Variants in ADGRL2 observed in about 807,000 individuals in gnomAD.
ADGRL2 encodes calcium-independent alpha-latrotoxin receptor 2.
In ADGRL2, 44 loss-of-function variants were observed where a neutral mutation model predicts 157.4. The ratio of observed to expected loss-of-function variants is 0.28; its 90% CI spans 0.22 to 0.36. The LOEUF (loss-of-function observed/expected upper bound fraction) is 0.36, where lower values mean the gene tolerates loss of function less well. ADGRL2 is among the 10% of genes least tolerant of loss of function. The pLI, the probability that ADGRL2 is intolerant of heterozygous loss-of-function variation, is 1.00. For synonymous variants in ADGRL2, 585 were observed against 624.7 expected, an observed-to-expected ratio of 0.94 and a Z score of 0.95; for missense variants, 1,510 against 1,768.9, an observed-to-expected ratio of 0.85 and a Z score of 2.63.
At chr1:81,877,049 C>A (rs2093858763) in intron 2 of ADGRL2, among the ~76,000 whole-genome samples, 1 of 152,118 alleles carries the variant, frequency 6.6e-6, no homozygotes, top group Non-Finnish European at 1.5e-5. Flanking sequence ...GCCTTAACTC[C>A]TGTTCCTGTC....
intron 3 of ADGRL2, among the ~76,000 whole-genome samples, chr1:81,594,435 T>C (rs1202933373): frequency 3.3e-5 from 5 of 152,242 alleles, no homozygotes; most frequent in Admixed American, 2.0e-4. Context: ...AGTCAAGTTG[T>C]CATTCTGCTC....
At chr1:81,976,154 A>C (rs1213975706) in intron 17 of ADGRL2, among the ~76,000 whole-genome samples, 1 of 152,148 alleles carries the variant, frequency 6.6e-6, no homozygotes, top group Admixed American at 6.6e-5. Flanking sequence ...TGATATAAAA[A>C]TTTTTGTATT....
At chr1:81,609,226 G>C (rs2081493179) in intron 3 of ADGRL2, among the ~76,000 whole-genome samples, 1 of 151,900 alleles carries the variant, frequency 6.6e-6, no homozygotes, top group Non-Finnish European at 1.5e-5. Context: ...TTTAAGTAGA[G>C]ACTGGGTTTC....
At chr1:81,616,046 C>T (rs1246200768) in intron 3 of ADGRL2, among the ~76,000 whole-genome samples, 1 of 150,760 alleles carries the variant, frequency 6.6e-6, no homozygotes, top group Non-Finnish European at 1.5e-5. Flanking sequence ...CTTCCCCACC[C>T]CCACCCAACA....
chr1:81,878,467 A>G (rs1217199117), intron 2 of ADGRL2, among the ~76,000 whole-genome samples: 1 of 152,160 alleles, frequency 6.6e-6, no homozygotes, highest in Non-Finnish European at 1.5e-5. Flanking sequence ...AAGGCATTTT[A>G]TGTGGCACTG....
At chr1:81,784,298 A>T (rs2086936806) in intron 2 of ADGRL2, among the ~76,000 whole-genome samples, 1 of 152,234 alleles carries the variant, frequency 6.6e-6, no homozygotes, top group African/African-American at 2.4e-5. Flanking sequence ...CTTTGAAAGC[A>T]TGTGTCAAGT....
intron 1 of ADGRL2, chr1:81,426,753 T>G (rs2077224580): frequency 6.5e-6 from 3 of 462,752 alleles, no homozygotes; most frequent in Non-Finnish European, 1.3e-5. Context: ...CCACACAGGT[T>G]GGTGGGTGTC....
At chr1:81,513,767 T>C (rs1458949326) in intron 2 of ADGRL2, 1 of 152,190 alleles carries the variant, frequency 6.6e-6, no homozygotes, top group Admixed American at 6.5e-5. Context: ...GAATCTTTAA[T>C]TTGGAAAAGA....
upstream of ADGRL2, among the ~76,000 whole-genome samples, chr1:81,795,719 T>C (rs1213190545): frequency 6.6e-6 from 1 of 152,232 alleles, no homozygotes; most frequent in Non-Finnish European, 1.5e-5. Flanking sequence ...TGGACTATTC[T>C]GTGACATTGC....
upstream of ADGRL2, among the ~76,000 whole-genome samples, chr1:81,696,528 G>A (rs191240273): frequency 3.3e-5 from 5 of 152,164 alleles, no homozygotes; most frequent in South Asian, 2.1e-4. Flanking sequence ...TGAGGCGGGC[G>A]GATCACAAGG....
Position 81,584,420 on chromosome 1 carries a change from C to A in ADGRL2, c.-143+3440C>A, listed in dbSNP as rs117365266. 2.0e-5 allele frequency among the ~76,000 whole-genome samples: 3 copies of A among 152,172 alleles called. No individual in the cohort carries two copies. In the East Asian group the frequency reaches 5.8e-4, roughly 29 times the overall value. On this transcript the variant is annotated intron_variant, in intron 3 of 24. Coordinates refer to the ADGRL2 transcript ENST00000370721. ...TAAAATAACTCCATTTAAGTAAATA[C>A]CATAGCCCTTTGAAAAGACAAACAA...
intron 1 of ADGRL2, among the ~76,000 whole-genome samples, chr1:81,351,039 G>T (rs987979290): frequency 6.6e-6 from 1 of 152,080 alleles, no homozygotes; most frequent in Non-Finnish European, 1.5e-5. Context: ...AGATTATGAA[G>T]ATTTAAAACT....
At position 81,974,015 on chromosome 1, in the gene ADGRL2, G is replaced by T. The variant is rs556733957; in HGVS notation, c.3021+2097G>T. ...TTCAGGCACAAATCTTAATAATATA[G>T]ATTGTATTGTATACTATCCTTTTAA... is the stretch of plus-strand genomic sequence containing the variant. On this transcript the variant is annotated intron_variant, in intron 17 of 23. Transcript: ENST00000686636. Among the ~76,000 whole-genome samples the T allele has an allele frequency of 8.5e-5, 13 of 152,166 alleles. No homozygotes were observed. The East Asian group carries it at 2.3e-3, about 27-fold the overall frequency.
intron 23 of ADGRL2, chr1:81,989,982 A>C (rs1277936380): frequency 1.0e-5 from 10 of 984,248 alleles, no homozygotes; most frequent in African/African-American, 1.7e-5. Flanking sequence ...TTTAGGACAA[A>C]TTCTGTTAAT....
chr1:81,383,808 C>CAAAAAAAAA (rs56660027), intron 1 of ADGRL2, among the ~76,000 whole-genome samples: 2 of 104,312 alleles, frequency 1.9e-5, no homozygotes, highest in African/African-American at 7.3e-5. Context: ...ACTAAAAATA[C>CAAAAAAAAA]AAAAAAAAAA....
chr1:81,846,982 T>G (rs2092814966), intron 2 of ADGRL2, among the ~76,000 whole-genome samples: 1 of 125,618 alleles, frequency 8.0e-6, no homozygotes, highest in South Asian at 3.1e-4. Flanking sequence ...GGAAAGTGTT[T>G]TGTTGTTTTT....
intron 2 of ADGRL2, among the ~76,000 whole-genome samples, chr1:81,781,839 T>G (rs1035336205): frequency 6.6e-6 from 1 of 152,216 alleles, no homozygotes; most frequent in African/African-American, 2.4e-5. Flanking sequence ...AACTTGTTAC[T>G]CTGGAAGCAT....
At chr1:81,887,554 A>T (rs1347877233) in intron 2 of ADGRL2, among the ~76,000 whole-genome samples, 1 of 152,202 alleles carries the variant, frequency 6.6e-6, no homozygotes, top group Admixed American at 6.5e-5. Context: ...AACATGTCAT[A>T]CTTAAGGAAT....
intron 1 of ADGRL2, among the ~76,000 whole-genome samples, chr1:81,387,734 C>T (rs758024368): frequency 6.6e-6 from 1 of 152,100 alleles, no homozygotes; most frequent in African/African-American, 2.4e-5. Context: ...ATGGCTTTCT[C>T]TCTATTAATT....
Sources: gnomAD v4.1 joint callset for allele counts (sites outside exome capture counted in the v4.1 genomes callset) on GRCh38, gnomAD v4.1.1 for gene constraint, MANE v1.5 for transcripts, NCBI Gene and HGNC (gene_info 2026-07-23, HGNC 2026-07-21) for gene names.